GATA4: variants seen among roughly 807,000 people sequenced by gnomAD.
GATA4 encodes the protein transcription factor GATA-4.
In GATA4, 7 loss-of-function variants were observed where a neutral mutation model predicts 37.9. That is an observed-to-expected ratio of 0.18 (90% CI 0.11 to 0.35). The LOEUF is 0.35. Among genes scored for constraint, GATA4 ranks in the 10% least tolerant of loss-of-function variants. The pLI is 1.00. For synonymous variants in GATA4, 372 were observed against 292.6 expected, an observed-to-expected ratio of 1.27 and a Z score of -2.77; for missense variants, 647 against 653.0, an observed-to-expected ratio of 0.99 and a Z score of 0.10.
intron 2 of GATA4, among the ~76,000 whole-genome samples, chr8:11,739,361 A>G (rs375662078): frequency 1.3e-5 from 2 of 152,228 alleles, no homozygotes; most frequent in Admixed American, 6.5e-5. Flanking sequence ...TTTGGCAGGA[A>G]TACCTGAAAA....
At chr8:11,731,977 A>G (rs1801233468) in intron 2 of GATA4, among the ~76,000 whole-genome samples, 1 of 152,214 alleles carries the variant, frequency 6.6e-6, no homozygotes, top group African/African-American at 2.4e-5. Context: ...TTATCCTGCT[A>G]TCACAGCAGG....
At chr8:11,699,173 C>T (rs1018849060), upstream of GATA4, among the ~76,000 whole-genome samples, 2 of 151,924 alleles carry the variant, frequency 1.3e-5, no homozygotes, top group Non-Finnish European at 2.9e-5. Context: ...GGGAGGTGAT[C>T]GGTGCATGTG....
At chr8:11,725,688 G>A (rs1051797125) in intron 2 of GATA4, among the ~76,000 whole-genome samples, 8 of 152,346 alleles carry the variant, frequency 5.3e-5, no homozygotes, top group East Asian at 1.9e-4. Flanking sequence ...CCTGCCTGTC[G>A]TGGCAGGGAA....
At chr8:11,752,162 G>C (rs749707130) in intron 4 of GATA4, among the ~76,000 whole-genome samples, 4 of 152,164 alleles carry the variant, frequency 2.6e-5, no homozygotes, top group Non-Finnish European at 4.4e-5. Flanking sequence ...ACATTGCAAA[G>C]AAATATATGT....
At chr8:11,713,037 A>T (rs1227650582) in intron 2 of GATA4, among the ~76,000 whole-genome samples, 1 of 150,518 alleles carries the variant, frequency 6.6e-6, no homozygotes, top group African/African-American at 2.5e-5. Context: ...TTCAATGAGG[A>T]GAAACAAGAG....
intron 2 of GATA4, among the ~76,000 whole-genome samples, chr8:11,724,218 T>C (rs994505471): frequency 2.9e-4 from 44 of 152,312 alleles, no homozygotes; most frequent in Admixed American, 1.2e-3. Context: ...CATCCCTCCA[T>C]AGACAATTGG....
chr8:11,754,872 T>C lies in GATA4; in HGVS notation c.913-174T>C, dbSNP rs13273672. Among the ~76,000 whole-genome samples the C allele has an allele frequency of 0.35, 52,887 of 152,066 alleles. 9,551 individuals are homozygous for C. The highest frequency in any genetic ancestry group is 0.6 in the East Asian group (3,114 of 5,172). The stretch of plus-strand genomic sequence containing the variant: ...AGGTGCTCGATAAGTTTTTTAAAAA[T>C]GGAATTGATTTCTTTCTCGCTGAGT... On this transcript the variant is annotated intron_variant, in intron 4 of 6. Coordinates refer to ENST00000532059, the MANE Select transcript of GATA4 (RefSeq NM_001308093.3).
chr8:11,708,939 G>T lies in GATA4; in HGVS notation c.616+11G>T, dbSNP rs1178794017. The T allele has an allele frequency of 2.0e-6, 3 of 1,524,436 alleles. No individual in the cohort carries two copies. In the Admixed American group the frequency reaches 5.9e-5, roughly 30 times the overall value. 94.4% of individuals were successfully genotyped at this position (1,524,436 alleles called of 1,614,324 possible). On this transcript the variant is annotated intron_variant, in intron 2 of 6. Transcript: ENST00000532059. This position sits in a 1 kb window ranked among gnomAD's most constrained non-coding sequence, Gnocchi z 6.7. ...GACACCCCAATCTCGGTGAGTAGGAGCGCGAGGGCTGGGGCGCGTGAGGGC... is the reference window on the plus strand; with the variant it reads ...GACACCCCAATCTCGGTGAGTAGGATCGCGAGGGCTGGGGCGCGTGAGGGC...
At chr8:11,741,607 T>C (rs1441632559) in intron 2 of GATA4, among the ~76,000 whole-genome samples, 1 of 152,198 alleles carries the variant, frequency 6.6e-6, no homozygotes, top group Non-Finnish European at 1.5e-5. Flanking sequence ...ACATTTCTCC[T>C]GGAGCCAGCA....
intron 2 of GATA4, among the ~76,000 whole-genome samples, chr8:11,735,561 C>G (rs74786828): frequency 0.025 from 3,780 of 151,360 alleles, 167 homozygotes; most frequent in African/African-American, 0.088. Flanking sequence ...TTGTTTGTTT[C>G]TTTCTTTCTT....
chr8:11,685,412 AAAC>A (rs1483583727), intron 1 of GATA4, among the ~76,000 whole-genome samples: 1 of 152,230 alleles, frequency 6.6e-6, no homozygotes, highest in African/African-American at 2.4e-5. Context: ...AAAGCAGAAT[AAAC>A]AAATATTTTG....
At chr8:11,700,902 G>A (rs1256832594), upstream of GATA4, 1 of 152,152 alleles carries the variant, frequency 6.6e-6, no homozygotes, top group African/African-American at 2.4e-5. Flanking sequence ...ACCCAGGCGT[G>A]GCACTTGGTT....
intron 2 of GATA4, among the ~76,000 whole-genome samples, chr8:11,731,258 G>T (rs1462667288): frequency 7.9e-5 from 12 of 152,326 alleles, no homozygotes; most frequent in Non-Finnish European, 4.4e-5. Context: ...TATTCCCAAT[G>T]TTTATTTTCT....
chr8:11,724,383 A>G (rs1800817410), intron 2 of GATA4, among the ~76,000 whole-genome samples: 1 of 152,206 alleles, frequency 6.6e-6, no homozygotes, highest in African/African-American at 2.4e-5. Flanking sequence ...TTTAGGGACC[A>G]TCATCCCATT....
intron 1 of GATA4, among the ~76,000 whole-genome samples, chr8:11,706,984 A>G (rs963992190): frequency 6.6e-6 from 1 of 152,074 alleles, no homozygotes; most frequent in Non-Finnish European, 1.5e-5. Context: ...GAAGTATATA[A>G]TCAAGTTCCA....
At chr8:11,738,285 G>A (rs556476013) in intron 2 of GATA4, among the ~76,000 whole-genome samples, 13 of 151,318 alleles carry the variant, frequency 8.6e-5, no homozygotes, top group East Asian at 1.9e-4. Flanking sequence ...AAGTCCTTCC[G>A]TGAGCCACCA....
At chr8:11,689,291 G>A (rs909470855), upstream of GATA4, among the ~76,000 whole-genome samples, 1 of 152,176 alleles carries the variant, frequency 6.6e-6, no homozygotes, top group Non-Finnish European at 1.5e-5. Context: ...TTGGGATATT[G>A]GGAAACTGAG....
intron 2 of GATA4, among the ~76,000 whole-genome samples, chr8:11,744,432 G>T (rs1042671615): frequency 1.3e-5 from 2 of 152,184 alleles, no homozygotes; most frequent in African/African-American, 4.8e-5. Context: ...TGCCAGCACT[G>T]GGTGGGAGGG....
intron 2 of GATA4, among the ~76,000 whole-genome samples, chr8:11,732,544 C>T (rs1801260999): frequency 1.3e-5 from 2 of 152,202 alleles, no homozygotes; most frequent in Admixed American, 6.5e-5. Context: ...AAAAAACTAA[C>T]TGCTATTGCA....
Sources: allele counts gnomAD v4.1 joint callset (sites outside exome capture counted in the v4.1 genomes callset), GRCh38; gene constraint gnomAD v4.1.1; non-coding constraint Gnocchi (gnomAD v3.1); transcripts MANE v1.5; gene names NCBI Gene and HGNC (gene_info 2026-07-23, HGNC 2026-07-21).